The following DNAJC11 variants were observed in gnomAD, a reference collection of about 807,000 sequenced individuals.
DNAJC11 encodes the protein dnaJ homolog subfamily C member 11.
Under a neutral mutation model 78.6 loss-of-function variants are expected in DNAJC11, and 15 were observed. The ratio of observed to expected loss-of-function variants is 0.19; its 90% CI spans 0.13 to 0.29. The LOEUF is 0.29. Among genes scored for constraint, DNAJC11 ranks in the 10% least tolerant of loss-of-function variants. DNAJC11 has a pLI of 1.00. For synonymous variants in DNAJC11, 292 were observed against 272.1 expected (o/e 1.07, Z -0.72); for missense variants, 547 against 709.6 (o/e 0.77, Z 2.60).
At chr1:6,654,626 C>T (rs11122114) in intron 4 of DNAJC11, among the ~76,000 whole-genome samples, 45,906 of 152,068 alleles carry the variant, frequency 0.3, 7,473 homozygotes, top group South Asian at 0.47. Flanking sequence ...GATAAAAATG[C>T]TTGTTACTCA....
chr1:6,662,965 C>G (rs1382212427), intron 4 of DNAJC11, among the ~76,000 whole-genome samples: 1 of 152,164 alleles, frequency 6.6e-6, no homozygotes, highest in Non-Finnish European at 1.5e-5. Flanking sequence ...AGGTCCATGG[C>G]TTCATTGTTG....
chr1:6,681,554 C>G (rs1642553398), intron 1 of DNAJC11, among the ~76,000 whole-genome samples: 1 of 152,198 alleles, frequency 6.6e-6, no homozygotes. Context: ...CATTCAGTGG[C>G]AGAAATGCTT....
chr1:6,662,808 G>A (rs970513061), intron 4 of DNAJC11, among the ~76,000 whole-genome samples: 1 of 130,460 alleles, frequency 7.7e-6, no homozygotes, highest in Admixed American at 8.7e-5. Context: ...GGACAAATAA[G>A]GGAATAAAAG....
intron 7 of DNAJC11, among the ~76,000 whole-genome samples, chr1:6,650,298 G>T (rs1196526684): frequency 6.6e-6 from 1 of 152,062 alleles, no homozygotes; most frequent in East Asian, 1.9e-4. Flanking sequence ...TGCTGAAGTG[G>T]CTCATGCTTC....
chr1:6,634,721 A>G lies in DNAJC11; in HGVS notation c.*954T>C, dbSNP rs2148724322. The G allele has an allele frequency of 7.3e-7, 1 of 1,362,160 alleles. No homozygotes were observed. The highest frequency in any genetic ancestry group is 1.1e-5 in the South Asian group (1 of 87,042). 84.4% of individuals were successfully genotyped at this position (1,362,160 alleles called of 1,614,324 possible). On this transcript the variant is annotated 3_prime_UTR_variant, in exon 16 of 16. Transcript: ENST00000377577. ...GGAAGGGTCTGAAGGAAGGCTCCGG[A>G]GCACAGGCCCTGGTGTTCCTGTGAG...
At position 6,636,238 on chromosome 1, in the gene DNAJC11, C is replaced by G. The variant is rs377423958; in HGVS notation, c.1533G>C (p.Leu511=). ...CCACACACGGGTCATAAAAGCCAGG[C>G]AGCCCAGCCTGTAACAAACAAATTG... ...LILTEASKAG[L]PGFYDPCVGE... The change falls in exon 15 of 16, where the codon CTG becomes CTC. Residue 511 remains leucine (L), a synonymous_variant. Coordinates refer to ENST00000377577, the MANE Select transcript of DNAJC11 (RefSeq NM_018198.4). 9 of 1,613,908 alleles carry G rather than the reference C, an allele frequency of 5.6e-6. No individual in the cohort carries two copies. In the African/African-American group the frequency reaches 1.1e-4, roughly 19 times the overall value.
chr1:6,653,797 T>C lies in DNAJC11; in HGVS notation c.507+114A>G. The stretch of plus-strand genomic sequence containing the variant: ...TTTTTAAGTGGCTAATTGCATCCTT[T>C]CATAAATAAAGATGAGAAAAACCCT... On this transcript the variant is annotated intron_variant, in intron 5 of 15. Coordinates refer to ENST00000377577, the MANE Select transcript of DNAJC11 (RefSeq NM_018198.4). The surrounding 1 kb of genome is among the most constrained non-coding windows in gnomAD (Gnocchi z 4.5). 7.3e-7 allele frequency: 1 copy of C among 1,372,606 alleles called. No individual in the cohort carries two copies. Among genetic ancestry groups the C allele is most frequent in the Admixed American group, 2.1e-5 (1 of 47,218 alleles). 85.0% of individuals were successfully genotyped at this position (1,372,606 alleles called of 1,614,324 possible). A position where few individuals can be genotyped will look rare whatever the true frequency, so the allele number is the denominator to read the frequency against.
chr1:6,655,100 G>A (rs1642107960), intron 4 of DNAJC11, among the ~76,000 whole-genome samples: 1 of 152,054 alleles, frequency 6.6e-6, no homozygotes, highest in African/African-American at 2.4e-5. Context: ...CCCAGCTGGT[G>A]CTAGCTTTCT....
chr1:6,643,056 C>G (rs1186902214), intron 10 of DNAJC11, among the ~76,000 whole-genome samples: 1 of 151,922 alleles, frequency 6.6e-6, no homozygotes, highest in African/African-American at 2.4e-5. Flanking sequence ...CCTGGAAACT[C>G]AGGGCAGAGA....
rs530353354 is a variant in DNAJC11 at position 6,657,024 on chromosome 1, A to T, written c.379-2985T>A. Among the ~76,000 whole-genome samples, 9 of 152,342 alleles carry T rather than the reference A, an allele frequency of 5.9e-5. No homozygotes were observed. The South Asian group carries it at 1.9e-3, about 32-fold the overall frequency. On this transcript the variant is annotated intron_variant, in intron 4 of 15. Coordinates refer to ENST00000377577, the MANE Select transcript of DNAJC11 (RefSeq NM_018198.4). Reference sequence around the variant, plus strand: ...TACACTCTTCAAAAAATAGTGTGACACACTGTGGAAGTCAGATCAAAGGCC... The same window carrying T: ...TACACTCTTCAAAAAATAGTGTGACTCACTGTGGAAGTCAGATCAAAGGCC...
intron 3 of DNAJC11, among the ~76,000 whole-genome samples, chr1:6,674,917 T>C (rs1274862939): frequency 6.6e-6 from 1 of 152,120 alleles, no homozygotes; most frequent in Non-Finnish European, 1.5e-5. Context: ...TGACTACCCA[T>C]ATGGTAGCCT....
chr1:6,643,323 T>TGC (rs1641909925), intron 10 of DNAJC11, among the ~76,000 whole-genome samples: 1 of 150,242 alleles, frequency 6.7e-6, no homozygotes, highest in Non-Finnish European at 1.5e-5. Flanking sequence ...ATGCCCAGGC[T>TGC]GGAGTGCAGT....
chr1:6,683,060 G>C (rs1022490471), intron 1 of DNAJC11, among the ~76,000 whole-genome samples: 3 of 152,216 alleles, frequency 2.0e-5, no homozygotes, highest in African/African-American at 7.2e-5. Flanking sequence ...TACTCTGTCA[G>C]AATAGGGTCA....
chr1:6,699,897 A>G (rs1199692202), intron 1 of DNAJC11, among the ~76,000 whole-genome samples: 2 of 152,234 alleles, frequency 1.3e-5, no homozygotes, highest in African/African-American at 4.8e-5. Flanking sequence ...ACAGTGGCCC[A>G]TACATTCGAG....
chr1:6,663,725 C>T (rs1289150617), intron 4 of DNAJC11, among the ~76,000 whole-genome samples: 2 of 152,134 alleles, frequency 1.3e-5, no homozygotes, highest in Non-Finnish European at 2.9e-5. Context: ...GACACTGGGA[C>T]CCCAGCAACC....
At chr1:6,687,691 G>A (rs186272407) in intron 1 of DNAJC11, among the ~76,000 whole-genome samples, 3 of 152,182 alleles carry the variant, frequency 2.0e-5, no homozygotes, top group Admixed American at 2.0e-4. Context: ...GCCATATCCT[G>A]ATGGCATTTT....
chr1:6,678,381 C>G lies in DNAJC11; in HGVS notation c.276+13G>C. ...TGACTTTTCTGGAACACCAGACGCA[C>G]AGTTTCTCTTACCTCCCATCCTTCC... On this transcript the variant is annotated intron_variant, in intron 3 of 15. Transcript: ENST00000377577. The G allele has an allele frequency of 6.2e-7, 1 of 1,613,012 alleles. No individual in the cohort carries two copies. Among genetic ancestry groups the G allele is most frequent in the South Asian group, 1.1e-5 (1 of 91,060 alleles).
intron 4 of DNAJC11, among the ~76,000 whole-genome samples, chr1:6,664,954 G>A (rs1642272459): frequency 6.6e-6 from 1 of 152,140 alleles, no homozygotes; most frequent in Non-Finnish European, 1.5e-5. Flanking sequence ...AGAGAAATAT[G>A]CACCCGCGTT....
At chr1:6,678,365 T>C in intron 3 of DNAJC11, 29 bp downstream of exon 3, 1 of 1,602,628 alleles carries the variant, frequency 6.2e-7, no homozygotes, top group Non-Finnish European at 8.6e-7. Flanking sequence ...ATGACTTTTC[T>C]GGAACACCAG....
Sources: allele counts gnomAD v4.1 joint callset (sites outside exome capture counted in the v4.1 genomes callset), GRCh38; gene constraint gnomAD v4.1.1; non-coding constraint Gnocchi (gnomAD v3.1); transcripts MANE v1.5; gene names NCBI Gene and HGNC (gene_info 2026-07-23, HGNC 2026-07-21).